Variants in PAK3 observed in about 807,000 individuals in gnomAD.
PAK3 encodes serine/threonine-protein kinase PAK 3.
In PAK3, 4 loss-of-function variants were observed where a neutral mutation model predicts 41.0. The observed-to-expected ratio is 0.10, with a 90% CI of 0.05 to 0.22. PAK3 has a LOEUF of 0.22. PAK3 is among the 10% of genes least tolerant of loss of function. The pLI is 1.00. For missense variants in PAK3, 205 were observed against 409.9 expected (o/e 0.50, Z 4.32); for synonymous variants, 146 against 139.6 (o/e 1.05, Z -0.32).
In PAK3 at chrX:111,183,981, C is replaced by T. The variant is rs764104519; in HGVS notation, c.831-8146C>T. ...GTATAGTTAACTGAAAGATCTCTAA[C>T]TTCAAGTTAGGAGACCTTTGTTACT... On this transcript the variant is annotated intron_variant, in intron 11 of 17. Coordinates refer to ENST00000372007, the MANE Select transcript of PAK3 (RefSeq NM_002578.5). Among the ~76,000 whole-genome samples, 4 of 111,711 alleles carry T rather than the reference C, an allele frequency of 3.6e-5. No individual in the cohort carries two copies. The East Asian group carries it at 1.1e-3, about 32-fold the overall frequency.
chrX:110,975,595 A>AT (rs1357044273), intron 1 of PAK3, among the ~76,000 whole-genome samples: 1 of 112,120 alleles, frequency 8.9e-6, no homozygotes, highest in Admixed American at 9.5e-5. Flanking sequence ...TCTTCACAGA[A>AT]TTGGAAAAAA....
At chrX:111,201,224 G>C (rs747768243) in intron 16 of PAK3, among the ~76,000 whole-genome samples, 1 of 112,326 alleles carries the variant, frequency 8.9e-6, no homozygotes, top group Non-Finnish European at 1.9e-5. Context: ...GGCATCAGGA[G>C]TACTTTTTTG....
rs1183640601 is a variant in PAK3, at chrX:110,973,671, A to T, written c.-28+29043A>T. Reference sequence around the variant, plus strand: ...ACTGCATCAATTAACAGGCAAAATAACCAGCGAACATCATAATGACAGGAT... The same window carrying T: ...ACTGCATCAATTAACAGGCAAAATATCCAGCGAACATCATAATGACAGGAT... On this transcript the variant is annotated intron_variant, in intron 1 of 14. Coordinates refer to the PAK3 transcript ENST00000425146. 5.3e-5 allele frequency among the ~76,000 whole-genome samples: 6 copies of T among 112,243 alleles called. No homozygotes were observed. The Admixed American group carries it at 5.7e-4, about 11-fold the overall frequency.
chrX:111,198,501 C>T (rs1056642904), intron 16 of PAK3, among the ~76,000 whole-genome samples: 4 of 111,969 alleles, frequency 3.6e-5, no homozygotes, highest in Non-Finnish European at 7.5e-5. Flanking sequence ...TTGATTTTTG[C>T]ATATGATGAA....
intron 1 of PAK3, among the ~76,000 whole-genome samples, chrX:111,021,362 G>T (rs935409327): frequency 1.8e-5 from 2 of 112,034 alleles, no homozygotes; most frequent in African/African-American, 3.2e-5. Context: ...TACATCACAG[G>T]ACTCTTTGCA....
chrX:110,982,823 TA>T (rs1435425010), intron 1 of PAK3, among the ~76,000 whole-genome samples: 3 of 111,100 alleles, frequency 2.7e-5, no homozygotes, highest in African/African-American at 9.8e-5. Flanking sequence ...AAGACTCATC[TA>T]GATCATCAGT....
chrX:111,166,069 A>T (rs2094251367), intron 10 of PAK3, among the ~76,000 whole-genome samples: 1 of 110,227 alleles, frequency 9.1e-6, no homozygotes, highest in Admixed American at 9.7e-5. Context: ...CTTACATTGG[A>T]TTTGTAGATT....
chrX:111,063,220 T>A (rs1016798451), intron 1 of PAK3, among the ~76,000 whole-genome samples: 17 of 112,342 alleles, frequency 1.5e-4, no homozygotes, highest in Non-Finnish European at 1.5e-4. Context: ...TCACTTGCTG[T>A]GTGAGTTGGG....
In PAK3 at chrX:111,227,156, C is replaced by G. The variant is rs1200773490; in HGVS notation, c.*6709C>G. On this transcript the variant is annotated 3_prime_UTR_variant, in exon 18 of 18. Coordinates refer to ENST00000372007, the MANE Select transcript of PAK3 (RefSeq NM_002578.5). ...TTAAGTAAGTTATTTCTTTTGTAGA[C>G]CTGCTGATGGTATGGTTCCATCCTT... 6.3e-5 allele frequency: 7 copies of G among 111,947 alleles called. No homozygotes were observed. The Admixed American group carries it at 6.6e-4, about 11-fold the overall frequency. The allele number at this position is 111,947 out of a possible 1,213,427, so 9.2% of individuals were successfully genotyped here. A position where few individuals can be genotyped will look rare whatever the true frequency, so the allele number is the denominator to read the frequency against.
intron 4 of PAK3, among the ~76,000 whole-genome samples, chrX:111,113,218 C>T (rs1268652019): frequency 1.8e-5 from 2 of 111,923 alleles, no homozygotes; most frequent in Non-Finnish European, 3.8e-5. Context: ...GCTATCCTTC[C>T]TGCTCTGTCC....
chrX:111,212,430 AG>A (rs1186880120), intron 16 of PAK3, among the ~76,000 whole-genome samples: 1 of 111,503 alleles, frequency 9.0e-6, no homozygotes, highest in Non-Finnish European at 1.9e-5. Context: ...GCTTACTCAC[AG>A]GATGTGTTCC....
intron 1 of PAK3, among the ~76,000 whole-genome samples, chrX:111,030,423 C>T (rs911639827): frequency 9.0e-6 from 1 of 111,280 alleles, no homozygotes; most frequent in Non-Finnish European, 1.9e-5. Flanking sequence ...GTTAAAGATC[C>T]GATTTCCATA....
At chrX:111,184,012 G>A (rs1243938313) in intron 11 of PAK3, among the ~76,000 whole-genome samples, 2 of 111,521 alleles carry the variant, frequency 1.8e-5, no homozygotes, top group East Asian at 5.7e-4. Flanking sequence ...TTACTTACTT[G>A]CTATGTTATC....
chrX:111,036,403 T>G (rs2092399507), intron 1 of PAK3, among the ~76,000 whole-genome samples: 1 of 112,414 alleles, frequency 8.9e-6, no homozygotes, highest in African/African-American at 3.2e-5. Flanking sequence ...TGACTCACAG[T>G]TCCACGTGGC....
intron 1 of PAK3, among the ~76,000 whole-genome samples, chrX:111,005,770 G>C (rs769293787): frequency 8.9e-6 from 1 of 111,759 alleles, no homozygotes; most frequent in East Asian, 2.8e-4. Flanking sequence ...TTGTCGAGAG[G>C]ATATACCATT....
chrX:111,006,153 C>T (rs1386310904), intron 1 of PAK3, among the ~76,000 whole-genome samples: 2 of 111,862 alleles, frequency 1.8e-5, no homozygotes, highest in Admixed American at 9.5e-5. Context: ...GAGTTAGGGC[C>T]ACAGCATTGG....
At chrX:111,158,248 C>A (rs1000978252) in intron 8 of PAK3, among the ~76,000 whole-genome samples, 1 of 111,882 alleles carries the variant, frequency 8.9e-6, no homozygotes. Context: ...GGGCTTGAAG[C>A]AAGTTTTAGT....
chrX:111,010,487 G>T (rs1051438438), intron 1 of PAK3, among the ~76,000 whole-genome samples: 1 of 111,788 alleles, frequency 8.9e-6, no homozygotes, highest in South Asian at 3.8e-4. Context: ...CAGTGTTGGA[G>T]GTGGGGTCTT....
At chrX:111,191,148 G>C (rs773369544) in intron 11 of PAK3, among the ~76,000 whole-genome samples, 8 of 111,971 alleles carry the variant, frequency 7.1e-5, no homozygotes, top group African/African-American at 2.6e-4. Flanking sequence ...CACCAGGCTG[G>C]AGTGCAGTGG....
Sources: gnomAD v4.1 joint callset for allele counts (sites outside exome capture counted in the v4.1 genomes callset) on GRCh38, gnomAD v4.1.1 for gene constraint, MANE v1.5 for transcripts, NCBI Gene and HGNC (gene_info 2026-07-23, HGNC 2026-07-21) for gene names.